The following PCDH15 variants were observed in gnomAD, a reference collection of about 807,000 sequenced individuals.
PCDH15 encodes protocadherin-15.
A neutral mutation model predicts 178.5 loss-of-function variants in PCDH15; 129 were observed. The ratio of observed to expected loss-of-function variants is 0.72; its 90% CI spans 0.63 to 0.84. The LOEUF is 0.84. PCDH15 is among the 40% of genes least tolerant of loss of function. The pLI is 0.00. For synonymous variants in PCDH15, 800 were observed against 732.0 expected (o/e 1.09, Z -1.50); for missense variants, 2,230 against 2,099.9 (o/e 1.06, Z -1.21).
In PCDH15 at chr10:55,303,068, GAAAAC is replaced by G. The variant is rs1056768183; in HGVS notation, c.-156+16526_-156+16530del. On this transcript the variant is annotated intron_variant, in intron 1 of 5. Transcript: ENST00000458638. Reference sequence around the variant, plus strand: ...GTTCTATAATAAGGTTATAAGATAAGAAAACAAAGATATTTGAGATATATATATAT... The same window carrying G: ...GTTCTATAATAAGGTTATAAGATAAGAAAGATATTTGAGATATATATATAT... Among the ~76,000 whole-genome samples the G allele has an allele frequency of 2.8e-5, 4 of 142,702 alleles. No homozygotes were observed. The Admixed American group carries it at 2.9e-4, about 10-fold the overall frequency. The allele number at this position is 142,702 out of a possible 152,430, so 93.6% of individuals were successfully genotyped here.
intron 2 of PCDH15, among the ~76,000 whole-genome samples, chr10:55,140,209 T>C (rs1009725681): frequency 7.2e-5 from 11 of 151,942 alleles, no homozygotes; most frequent in African/African-American, 1.9e-4. Context: ...TAAATACATA[T>C]CATCTGCAAA....
chr10:54,718,307 A>G (rs2095505746), intron 1 of PCDH15, among the ~76,000 whole-genome samples: 1 of 152,128 alleles, frequency 6.6e-6, no homozygotes, highest in Non-Finnish European at 1.5e-5. Context: ...GTCAACAGAC[A>G]AGTCAACAGC....
intron 2 of PCDH15, among the ~76,000 whole-genome samples, chr10:55,505,667 C>A (rs571788836): frequency 2.0e-4 from 31 of 151,376 alleles, no homozygotes; most frequent in Non-Finnish European, 3.6e-4. Flanking sequence ...ATTCATTCAA[C>A]AAACATGTAT....
chr10:54,418,358 G>T (rs1231711263), intron 3 of PCDH15, among the ~76,000 whole-genome samples: 2 of 152,012 alleles, frequency 1.3e-5, no homozygotes, highest in South Asian at 2.1e-4. Context: ...TAAAATTATA[G>T]ATATTAATAT....
chr10:54,726,905 A>G (rs1470898931), intron 1 of PCDH15, among the ~76,000 whole-genome samples: 2 of 151,408 alleles, frequency 1.3e-5, no homozygotes, highest in African/African-American at 4.8e-5. Context: ...GAAATATGGG[A>G]TTATGTAATG....
At chr10:54,542,726 C>T (rs949409679) in intron 2 of PCDH15, among the ~76,000 whole-genome samples, 4 of 151,974 alleles carry the variant, frequency 2.6e-5, no homozygotes, top group Admixed American at 6.6e-5. Flanking sequence ...AAGGGAAGAG[C>T]GTGGTCCCTT....
rs913341172 is a variant in PCDH15 at position 55,041,800 on chromosome 10, A to G, written c.-80+124776T>C. ...GGGATTTAGAAATAAACTTTTTTAGAAAACCAGATTTTATCATTTTTCTTT... is the reference window on the plus strand; with the variant it reads ...GGGATTTAGAAATAAACTTTTTTAGGAAACCAGATTTTATCATTTTTCTTT... On this transcript the variant is annotated intron_variant, in intron 2 of 5. Transcript: ENST00000458638. 2.0e-5 allele frequency among the ~76,000 whole-genome samples: 3 copies of G among 152,180 alleles called. 1 individual carries two copies. Among genetic ancestry groups the G allele is most frequent in the African/African-American group, 7.2e-5 (3 of 41,454 alleles).
chr10:55,481,510 T>C (rs1840180830), intron 2 of PCDH15, among the ~76,000 whole-genome samples: 1 of 151,828 alleles, frequency 6.6e-6, no homozygotes, highest in African/African-American at 2.4e-5. Context: ...CTTAACTGTG[T>C]CCCAGAGATT....
chr10:55,025,287 T>G (rs547177415), intron 2 of PCDH15, among the ~76,000 whole-genome samples: 1 of 152,314 alleles, frequency 6.6e-6, no homozygotes, highest in Non-Finnish European at 1.5e-5. Flanking sequence ...TACTTTTTGA[T>G]CTGGCTCATG....
At chr10:54,152,761 T>C (rs1336231958) in intron 14 of PCDH15, among the ~76,000 whole-genome samples, 1 of 152,042 alleles carries the variant, frequency 6.6e-6, no homozygotes, top group African/African-American at 2.4e-5. Context: ...TTATTTTACA[T>C]AACTATTTTA....
At chr10:55,033,240 A>C (rs987236066) in intron 2 of PCDH15, among the ~76,000 whole-genome samples, 2 of 152,166 alleles carry the variant, frequency 1.3e-5, no homozygotes, top group Non-Finnish European at 2.9e-5. Flanking sequence ...GATAGCACCC[A>C]CTAGGGCAAT....
intron 3 of PCDH15, among the ~76,000 whole-genome samples, chr10:54,519,423 C>A (rs1332488812): frequency 6.8e-6 from 1 of 146,708 alleles, no homozygotes; most frequent in African/African-American, 2.7e-5. Flanking sequence ...CAATAACAGA[C>A]AAACAGAGAG....
intron 2 of PCDH15, among the ~76,000 whole-genome samples, chr10:54,613,621 T>A (rs1214782933): frequency 1.3e-5 from 2 of 151,728 alleles, no homozygotes; most frequent in African/African-American, 4.8e-5. Context: ...GGTCTCTGTG[T>A]ACATAATGAT....
intron 5 of PCDH15, among the ~76,000 whole-genome samples, chr10:54,361,890 G>A (rs1385401466): frequency 1.3e-5 from 2 of 152,012 alleles, no homozygotes; most frequent in African/African-American, 2.4e-5. Flanking sequence ...ATACAATATG[G>A]TGAGCAAGTG....
intron 26 of PCDH15, among the ~76,000 whole-genome samples, chr10:53,883,284 A>G (rs891067523): frequency 3.9e-5 from 6 of 152,134 alleles, no homozygotes; most frequent in Non-Finnish European, 5.9e-5. Flanking sequence ...TTTTTTTGTC[A>G]TTAGCCAGCC....
intron 2 of PCDH15, among the ~76,000 whole-genome samples, chr10:55,593,676 T>C (rs1441590267): frequency 6.6e-6 from 1 of 151,902 alleles, no homozygotes; most frequent in African/African-American, 2.4e-5. Flanking sequence ...TGATGACTTA[T>C]CTTATCAACC....
At chr10:54,506,392 C>A (rs1046009042) in intron 3 of PCDH15, among the ~76,000 whole-genome samples, 15 of 151,894 alleles carry the variant, frequency 9.9e-5, no homozygotes, top group African/African-American at 3.4e-4. Flanking sequence ...AATTTGGAAT[C>A]TCAATTTTAG....
chr10:54,985,672 G>T (rs1839346007), intron 2 of PCDH15, among the ~76,000 whole-genome samples: 1 of 152,132 alleles, frequency 6.6e-6, no homozygotes, highest in South Asian at 2.1e-4. Flanking sequence ...AGTGACTATT[G>T]CACAGCATAT....
At chr10:53,941,790 A>G (rs2086090486) in intron 23 of PCDH15, among the ~76,000 whole-genome samples, 1 of 152,218 alleles carries the variant, frequency 6.6e-6, no homozygotes. Context: ...AATAAATGAG[A>G]GTTGCTGTTG....
Sources: gnomAD v4.1 joint callset for allele counts (sites outside exome capture counted in the v4.1 genomes callset) on GRCh38, gnomAD v4.1.1 for gene constraint, MANE v1.5 for transcripts, NCBI Gene and HGNC (gene_info 2026-07-23, HGNC 2026-07-21) for gene names.